PCDHA5: variants seen among roughly 807,000 people sequenced by gnomAD.
PCDHA5 encodes protocadherin alpha 5.
Under a neutral mutation model 61.6 loss-of-function variants are expected in PCDHA5, and 43 were observed. That is an observed-to-expected ratio of 0.70 (90% CI 0.55 to 0.90). The LOEUF is 0.90. Among genes scored for constraint, PCDHA5 ranks in the 40% least tolerant of loss-of-function variants. The probability of loss-of-function intolerance (pLI) is 0.00; values close to 1 mark genes in which losing one functional copy is unlikely to be tolerated. For missense variants in PCDHA5, 1,298 were observed against 1,222.7 expected, an observed-to-expected ratio of 1.06 and a Z score of -0.92; for synonymous variants, 627 against 543.9, an observed-to-expected ratio of 1.15 and a Z score of -2.13.
rs2150158198 is a variant in PCDHA5 at position 140,828,717 on chromosome 5, A to C, written c.2352+4590A>C. On this transcript the variant is annotated intron_variant, in intron 1 of 3. Coordinates refer to ENST00000529859, the MANE Select transcript of PCDHA5 (RefSeq NM_018908.3). The stretch of plus-strand genomic sequence containing the variant: ...GACAGAGAGGAAGCTCCTGCACACA[A>C]CTTATTCCTGACAGCCACAGATGGG... 5.6e-6 allele frequency: 9 copies of C among 1,614,108 alleles called. No homozygotes were observed. In the South Asian group the frequency reaches 7.7e-5, roughly 14 times the overall value.
intron 1 of PCDHA5, among the ~76,000 whole-genome samples, chr5:140,960,750 A>C (rs1367583531): frequency 6.6e-6 from 1 of 152,048 alleles, no homozygotes; most frequent in African/African-American, 2.4e-5. Context: ...CATGGCTAAA[A>C]TCCCAAGAGT....
chr5:140,952,406 T>G (rs2094740405), intron 1 of PCDHA5, among the ~76,000 whole-genome samples: 1 of 151,900 alleles, frequency 6.6e-6, no homozygotes, highest in Admixed American at 6.6e-5. Flanking sequence ...ATTCTCAAAT[T>G]TAATGTTCCG....
chr5:140,941,210 T>TTC (rs2092846943), intron 1 of PCDHA5, among the ~76,000 whole-genome samples: 12 of 100,630 alleles, frequency 1.2e-4, no homozygotes, highest in Admixed American at 4.7e-4. Context: ...TTCCTTTCTT[T>TTC]CTTCCTTTCT....
intron 1 of PCDHA5, chr5:140,881,263 G>A: frequency 1.7e-6 from 1 of 575,868 alleles, no homozygotes; most frequent in Non-Finnish European, 2.2e-6. Flanking sequence ...TTTACTCAGT[G>A]ATGATGAAGT....
At chr5:140,883,609 C>T (rs2059699123) in intron 1 of PCDHA5, 1 of 1,614,032 alleles carries the variant, frequency 6.2e-7, no homozygotes, top group Non-Finnish European at 8.5e-7. Flanking sequence ...GGGTGGCCGA[C>T]GTGAACGACA....
At chr5:140,880,349 TGAATTTA>T in intron 1 of PCDHA5, among the ~76,000 whole-genome samples, 1 of 152,224 alleles carries the variant, frequency 6.6e-6, no homozygotes, top group East Asian at 1.9e-4. Flanking sequence ...AGGCAGCAGG[TGAATTTA>T]GATGAAAACC....
intron 1 of PCDHA5, among the ~76,000 whole-genome samples, chr5:140,833,816 G>T (rs1183513808): frequency 6.6e-6 from 1 of 151,956 alleles, no homozygotes; most frequent in Non-Finnish European, 1.5e-5. Flanking sequence ...TGAGATCCTG[G>T]GTCCCTAAAA....
chr5:140,830,268 C>A (rs2150183808), intron 1 of PCDHA5: 5 of 1,613,634 alleles, frequency 3.1e-6, no homozygotes, highest in Admixed American at 1.7e-5. Flanking sequence ...TGCTCGGCGC[C>A]ACCCACCGAG....
intron 1 of PCDHA5, chr5:140,854,282 G>A: frequency 1.9e-6 from 1 of 533,858 alleles, no homozygotes; most frequent in African/African-American, 2.1e-5. Context: ...ATTGAGTTTA[G>A]TTTTTATTAT....
chr5:140,920,722 C>T (rs2079784294), intron 1 of PCDHA5, among the ~76,000 whole-genome samples: 1 of 151,872 alleles, frequency 6.6e-6, no homozygotes, highest in Non-Finnish European at 1.5e-5. Context: ...TGTGCGCCTG[C>T]AGTCCCAGCT....
At chr5:140,978,763 A>G (rs932766044) in intron 1 of PCDHA5, among the ~76,000 whole-genome samples, 186 bp from the exon 2 acceptor site, 11 of 152,258 alleles carry the variant, frequency 7.2e-5, no homozygotes, top group Non-Finnish European at 1.3e-4. Flanking sequence ...GAGGACCCTG[A>G]TGAACTAATT....
chr5:140,924,921 T>A (rs1167960449), intron 1 of PCDHA5, among the ~76,000 whole-genome samples: 5 of 126,218 alleles, frequency 4.0e-5, no homozygotes, highest in African/African-American at 1.5e-4. Context: ...TAAAATAAAA[T>A]AAAATAAAAT....
rs782017107 is a variant in PCDHA5 at position 140,968,690 on chromosome 5, A to G, written c.2353-10259A>G. ...TAAGGTAGAGCTGCACACAGGAGAAATTAGGACTACCAGGAAGATGGGAGA... is the reference window on the plus strand; with the variant it reads ...TAAGGTAGAGCTGCACACAGGAGAAGTTAGGACTACCAGGAAGATGGGAGA... On this transcript the variant is annotated intron_variant, in intron 1 of 3. Transcript: ENST00000529859. 60 of 1,614,030 alleles carry G rather than the reference A, an allele frequency of 3.7e-5. No individual in the cohort carries two copies. The highest frequency in any genetic ancestry group is 4.8e-5 in the Non-Finnish European group (57 of 1,180,040).
chr5:140,832,598 C>A (rs868938084), intron 1 of PCDHA5, among the ~76,000 whole-genome samples: 1 of 152,252 alleles, frequency 6.6e-6, no homozygotes, highest in African/African-American at 2.4e-5. Flanking sequence ...AGAACTATAG[C>A]GTTGCTAGTG....
chr5:140,929,232 G>A lies in PCDHA5; in HGVS notation c.2353-49717G>A, dbSNP rs782109734. On this transcript the variant is annotated intron_variant, in intron 1 of 3. Coordinates refer to ENST00000529859, the MANE Select transcript of PCDHA5 (RefSeq NM_018908.3). ...GTGGGGAGTACAATGCTGCCGACCTGCGAAATCTTGCCACTGGGGTAGGAC... is the reference window on the plus strand; with the variant it reads ...GTGGGGAGTACAATGCTGCCGACCTACGAAATCTTGCCACTGGGGTAGGAC... 2.5e-6 allele frequency: 4 copies of A among 1,613,756 alleles called. No individual in the cohort carries two copies. In the Admixed American group the frequency reaches 5.0e-5, roughly 20 times the overall value.
chr5:140,875,015 G>T (rs1479954206), intron 1 of PCDHA5, among the ~76,000 whole-genome samples: 3 of 152,170 alleles, frequency 2.0e-5, no homozygotes, highest in African/African-American at 7.2e-5. Flanking sequence ...TAAAGTGTAG[G>T]TTCTGGCCTA....
intron 1 of PCDHA5, among the ~76,000 whole-genome samples, chr5:140,978,171 G>C (rs1386184793): frequency 6.6e-6 from 1 of 152,186 alleles, no homozygotes; most frequent in Non-Finnish European, 1.5e-5. Context: ...AGAGTTTGTA[G>C]AGAGAGGGCA....
intron 1 of PCDHA5, among the ~76,000 whole-genome samples, chr5:140,952,297 C>G (rs2094716383): frequency 6.7e-6 from 1 of 149,532 alleles, no homozygotes; most frequent in South Asian, 2.1e-4. Context: ...TTCTCACAGC[C>G]ATTTCACTCC....
At chr5:140,838,285 T>TTA (rs1554136986) in intron 1 of PCDHA5, among the ~76,000 whole-genome samples, 1 of 149,460 alleles carries the variant, frequency 6.7e-6, no homozygotes, top group East Asian at 2.0e-4. Flanking sequence ...TGCTAATTTT[T>TTA]TTTTTTTTTT....
Sources: allele counts gnomAD v4.1 joint callset (sites outside exome capture counted in the v4.1 genomes callset), GRCh38; gene constraint gnomAD v4.1.1; transcripts MANE v1.5; gene names NCBI Gene and HGNC (gene_info 2026-07-23, HGNC 2026-07-21).